Variants in CCDC30 observed in about 807,000 individuals in gnomAD.
CCDC30 encodes coiled-coil domain containing 30.
In CCDC30, 70 loss-of-function variants were observed where a neutral mutation model predicts 100.2. The observed-to-expected ratio is 0.70, with a 90% confidence interval of 0.58 to 0.85. The LOEUF is 0.85. Ranked by LOEUF, CCDC30 falls within the 40% of genes least tolerant of loss-of-function variation. CCDC30 has a pLI of 0.00. For synonymous variants in CCDC30, 233 were observed against 269.5 expected (o/e 0.86, Z 1.33); for missense variants, 652 against 771.2 (o/e 0.85, Z 1.83).
intron 6 of CCDC30, among the ~76,000 whole-genome samples, chr1:42,565,043 T>A (rs1012516041): frequency 5.3e-5 from 8 of 152,204 alleles, no homozygotes; most frequent in African/African-American, 1.9e-4. Flanking sequence ...CTGAACAGTT[T>A]TGCATTGTAT....
intron 6 of CCDC30, among the ~76,000 whole-genome samples, chr1:42,546,989 T>TTA (rs2148537684): frequency 6.6e-6 from 1 of 152,258 alleles, no homozygotes; most frequent in African/African-American, 2.4e-5. Context: ...GTAGACAAAG[T>TTA]TATATCTTTG....
At chr1:42,505,195 T>C (rs555532853) in intron 6 of CCDC30, among the ~76,000 whole-genome samples, 2 of 150,180 alleles carry the variant, frequency 1.3e-5, no homozygotes, top group Middle Eastern at 6.8e-3. Context: ...ATGAAGTTCC[T>C]TGGTTTTATT....
At chr1:42,578,139 G>A (rs888686654) in intron 8 of CCDC30, among the ~76,000 whole-genome samples, 1 of 152,062 alleles carries the variant, frequency 6.6e-6, no homozygotes, top group Non-Finnish European at 1.5e-5. Context: ...TGATGTGCAA[G>A]TTTGAGAGTT....
At chr1:42,651,724 A>G (rs1031464659) in intron 15 of CCDC30, among the ~76,000 whole-genome samples, 1 of 152,082 alleles carries the variant, frequency 6.6e-6, no homozygotes, top group Non-Finnish European at 1.5e-5. Context: ...TTTTGTTTTA[A>G]TTAGTTGGGT....
At chr1:42,536,590 G>A in intron 6 of CCDC30, 1 of 1,607,920 alleles carries the variant, frequency 6.2e-7, no homozygotes, top group Non-Finnish European at 8.5e-7. Context: ...GGCCTTGAAA[G>A]TTGAAAGTGA....
At chr1:42,507,285 G>A (rs915405933) in intron 6 of CCDC30, among the ~76,000 whole-genome samples, 1 of 152,188 alleles carries the variant, frequency 6.6e-6, no homozygotes, top group African/African-American at 2.4e-5. Flanking sequence ...ATTTGACCAT[G>A]AGGTGAAATC....
chr1:42,530,165 A>C (rs1198346370), intron 6 of CCDC30, among the ~76,000 whole-genome samples: 1 of 151,672 alleles, frequency 6.6e-6, no homozygotes, highest in Non-Finnish European at 1.5e-5. Flanking sequence ...GTATCATCAG[A>C]AGGTCAGTAG....
At chr1:42,606,403 T>C (rs543291995) in intron 10 of CCDC30, among the ~76,000 whole-genome samples, 1 of 152,304 alleles carries the variant, frequency 6.6e-6, no homozygotes, top group East Asian at 1.9e-4. Flanking sequence ...TCAGACTCCC[T>C]AGTAGCTGTG....
At chr1:42,644,923 T>C (rs1647764682) in intron 14 of CCDC30, 116 bp downstream of exon 18, 4 of 658,764 alleles carry the variant, frequency 6.1e-6, no homozygotes, top group Admixed American at 2.6e-5. Context: ...CTTGGCCTCA[T>C]GGTAGGCTGT....
intron 6 of CCDC30, among the ~76,000 whole-genome samples, chr1:42,511,773 T>C (rs373563510): frequency 3.3e-5 from 5 of 152,294 alleles, no homozygotes; most frequent in Admixed American, 2.0e-4. Flanking sequence ...TTTATTCCTC[T>C]AGGTGGCGCT....
At chr1:42,559,250 ATCAAAT>A (rs1645435566) in intron 6 of CCDC30, among the ~76,000 whole-genome samples, 1 of 152,208 alleles carries the variant, frequency 6.6e-6, no homozygotes, top group South Asian at 2.1e-4. Flanking sequence ...GTGCAAAATA[ATCAAAT>A]AGCATCATGA....
chr1:42,622,857 G>A (rs988475280), intron 11 of CCDC30, among the ~76,000 whole-genome samples: 1 of 152,150 alleles, frequency 6.6e-6, no homozygotes, highest in African/African-American at 2.4e-5. Flanking sequence ...AATAGTGTAT[G>A]AGGGTTCCCT....
At chr1:42,558,191 A>G in intron 6 of CCDC30, 1 of 242,314 alleles carries the variant, frequency 4.1e-6, no homozygotes, top group South Asian at 3.8e-5. Context: ...TGGTTTTTCC[A>G]TCCTTCAAAA....
At chr1:42,621,672 G>A (rs1013327204) in intron 11 of CCDC30, among the ~76,000 whole-genome samples, 7 of 151,794 alleles carry the variant, frequency 4.6e-5, no homozygotes, top group Non-Finnish European at 8.8e-5. Flanking sequence ...CCACCACGCA[G>A]GCTAATTTTT....
At chr1:42,644,756 G>T (rs766715184) in exon 14 of CCDC30, 1 of 1,613,814 alleles carries the variant, frequency 6.2e-7, no homozygotes, top group Non-Finnish European at 8.5e-7. Flanking sequence ...TCACACAGCA[G>T]ATTGGCTTCT....
chr1:42,552,607 T>TA (rs1557847898), intron 6 of CCDC30, among the ~76,000 whole-genome samples: 11 of 148,214 alleles, frequency 7.4e-5, no homozygotes, highest in Admixed American at 4.1e-4. Context: ...TGGAAAAATT[T>TA]TAAAAAAAAT....
chr1:42,641,830 G>A (rs970625889), intron 12 of CCDC30, among the ~76,000 whole-genome samples: 5 of 151,960 alleles, frequency 3.3e-5, no homozygotes, highest in African/African-American at 9.7e-5. Flanking sequence ...ACTCCAGCCT[G>A]GGCAACAAAG....
intron 10 of CCDC30, chr1:42,594,700 T>G (rs2148614927): frequency 6.6e-6 from 1 of 152,238 alleles, no homozygotes; most frequent in Non-Finnish European, 1.5e-5. Flanking sequence ...ACCTCATTTC[T>G]TAAATTAAAA....
downstream of CCDC30, among the ~76,000 whole-genome samples, chr1:42,656,488 G>A (rs921634976): frequency 3.9e-5 from 6 of 152,178 alleles, no homozygotes; most frequent in South Asian, 6.2e-4. Flanking sequence ...AAAATTAGCC[G>A]GGTATGGTGG....
Sources: gnomAD v4.1 joint callset for allele counts (sites outside exome capture counted in the v4.1 genomes callset) on GRCh38, gnomAD v4.1.1 for gene constraint, MANE v1.5 for transcripts, NCBI Gene and HGNC (gene_info 2026-07-23, HGNC 2026-07-21) for gene names.